EFCAB8: variants seen among roughly 807,000 people sequenced by gnomAD.
EFCAB8 encodes EF-hand calcium-binding domain-containing protein 8.
In EFCAB8, 100 loss-of-function variants were observed where a neutral mutation model predicts 116.3. The observed-to-expected ratio is 0.86, with a 90% CI of 0.73 to 1.02. EFCAB8 has a LOEUF of 1.02. Among genes scored for constraint, EFCAB8 ranks in the 50% least tolerant of loss-of-function variants. EFCAB8 has a pLI of 0.00. For missense variants in EFCAB8, 1,320 were observed against 1,416.9 expected (o/e 0.93, Z 1.10); for synonymous variants, 558 against 567.9 (o/e 0.98, Z 0.25).
In EFCAB8 at chr20:32,936,324, G is replaced by A. The variant is rs183639279; in HGVS notation, c.2790+4988G>A. ...GCTGGGATTACACGTGTGAGCCACC[G>A]CGCCTGGCCTATTTTTGCTTTTATT... On this transcript the variant is annotated intron_variant, in intron 22 of 26. Transcript: ENST00000400522. Among the ~76,000 whole-genome samples, 430 of 152,206 alleles carry A rather than the reference G, an allele frequency of 2.8e-3. 3 individuals are homozygous for A. The highest frequency in any genetic ancestry group is 2.6e-3 in the Non-Finnish European group (179 of 68,022).
chr20:32,931,130 G>A, intron 21 of EFCAB8, 48 bp from the exon 22 acceptor site: 2 of 1,455,170 alleles, frequency 1.4e-6, no homozygotes, highest in South Asian at 1.4e-5. Flanking sequence ...AGTGAGTTGG[G>A]GTCTGGGTCA....
intron 7 of EFCAB8, among the ~76,000 whole-genome samples, chr20:32,890,725 G>A (rs1364655548): frequency 1.3e-5 from 2 of 152,248 alleles, no homozygotes; most frequent in Non-Finnish European, 2.9e-5. Flanking sequence ...GAATAAAAAG[G>A]ACCTGGGTTC....
intron 23 of EFCAB8, among the ~76,000 whole-genome samples, chr20:32,945,152 T>TTTA (rs934084319): frequency 1.2e-4 from 18 of 151,892 alleles, no homozygotes; most frequent in South Asian, 6.2e-4. Context: ...TTCTGTTATT[T>TTTA]TTATTATTAT....
chr20:32,865,937 G>A (rs1433594763), intron 2 of EFCAB8, among the ~76,000 whole-genome samples: 1 of 152,134 alleles, frequency 6.6e-6, no homozygotes. Context: ...GGGCGAGCAG[G>A]GGTGTGGGAG....
chr20:32,891,085 C>A (rs1188916744), intron 7 of EFCAB8, among the ~76,000 whole-genome samples: 3 of 152,158 alleles, frequency 2.0e-5, no homozygotes, highest in African/African-American at 7.2e-5. Flanking sequence ...CCTCAGACAG[C>A]CCTGAGAATT....
intron 7 of EFCAB8, among the ~76,000 whole-genome samples, chr20:32,891,518 T>G (rs1985913089): frequency 1.3e-5 from 2 of 152,164 alleles, no homozygotes; most frequent in South Asian, 4.1e-4. Context: ...GCAGCCAGCC[T>G]AGAACCCCAT....
intron 20 of EFCAB8, 135 bp from the exon 21 acceptor site, chr20:32,930,263 G>T: frequency 1.4e-6 from 1 of 694,334 alleles, no homozygotes; most frequent in South Asian, 1.9e-5. Flanking sequence ...GGAAGGGTGG[G>T]ACCACCATCA....
At chr20:32,913,946 T>C (rs1237191311) in intron 17 of EFCAB8, among the ~76,000 whole-genome samples, 1 of 152,244 alleles carries the variant, frequency 6.6e-6, no homozygotes, top group Non-Finnish European at 1.5e-5. Context: ...ACTGGAACCC[T>C]AAGACTCTGG....
intron 6 of EFCAB8, 112 bp from the exon 7 acceptor site, chr20:32,889,189 C>T: frequency 1.2e-6 from 1 of 851,862 alleles, no homozygotes; most frequent in Admixed American, 2.2e-5. Flanking sequence ...TGCTAGGCTC[C>T]ATGCCAGGTC....
chr20:32,889,272 C>T (rs1985791193), intron 6 of EFCAB8, 29 bp from the exon 7 acceptor site: 1 of 1,540,402 alleles, frequency 6.5e-7, no homozygotes, highest in Non-Finnish European at 8.8e-7. Flanking sequence ...TGCGTCCCAG[C>T]CCATCTCCTC....
chr20:32,918,527 AT>A lies in EFCAB8; in HGVS notation c.2228del (p.Met743SerfsTer63). The A allele has an allele frequency of 6.4e-7, 1 of 1,551,682 alleles. No individual in the cohort carries two copies. Among genetic ancestry groups the A allele is most frequent in the Non-Finnish European group, 8.7e-7 (1 of 1,147,008 alleles). ...GAGCCTGGTGTCGGCTCCCCCAGTG[AT>A]GCGGTGCCCGAGAGACAAGGAGCCA... ...RRSLVSAPPVMRCPRDKEPDR... is the reference protein window; with the variant it reads ...RRSLVSAPPVXRCPRDKEPDR... On this transcript the variant is annotated frameshift_variant, in exon 19 of 27. Coordinates refer to ENST00000400522, the MANE Select transcript of EFCAB8 (RefSeq NM_001143967.2). LOFTEE classifies it high-confidence loss of function.
At chr20:32,935,392 G>T (rs1988080116) in intron 22 of EFCAB8, among the ~76,000 whole-genome samples, 1 of 151,716 alleles carries the variant, frequency 6.6e-6, no homozygotes, top group Non-Finnish European at 1.5e-5. Context: ...TAGAGACGAG[G>T]TGTCACCTTG....
chr20:32,861,549 A>G (rs951530224), intron 1 of EFCAB8, among the ~76,000 whole-genome samples: 1 of 152,124 alleles, frequency 6.6e-6, no homozygotes. Flanking sequence ...TCGGCCTCCC[A>G]AAGTGCTAGA....
chr20:32,888,106 C>T (rs1272385401), intron 6 of EFCAB8, among the ~76,000 whole-genome samples: 1 of 151,996 alleles, frequency 6.6e-6, no homozygotes, highest in Non-Finnish European at 1.5e-5. Flanking sequence ...CTCTGTCACC[C>T]AGGCTGGAGT....
At chr20:32,881,862 C>T (rs139114548) in intron 5 of EFCAB8, among the ~76,000 whole-genome samples, 139 of 152,282 alleles carry the variant, frequency 9.1e-4, no homozygotes, top group African/African-American at 3.2e-3. Flanking sequence ...CCCCATCAGG[C>T]CCTTAGGGAA....
intron 20 of EFCAB8, among the ~76,000 whole-genome samples, chr20:32,921,361 TTG>T (rs71858676): frequency 0.018 from 2,308 of 129,046 alleles, 16 homozygotes; most frequent in Non-Finnish European, 0.023. Context: ...CCCAGCTATT[TTG>T]TGTGTGTGTG....
rs529992899 is a variant in EFCAB8 at position 32,921,836 on chromosome 20, T to C, written c.2412+1621T>C. On this transcript the variant is annotated intron_variant, in intron 20 of 26. Transcript: ENST00000400522. ...TATTCTTTTGTTACCTTATTCTTTT[T>C]TTTTTTTTTTTTGAGACGGAGTCTT... Among the ~76,000 whole-genome samples, 16 of 150,176 alleles carry C rather than the reference T, an allele frequency of 1.1e-4. No homozygotes were observed. In the South Asian group the frequency reaches 2.3e-3, roughly 22 times the overall value.
At chr20:32,957,627 C>T (rs949020084) in intron 23 of EFCAB8, among the ~76,000 whole-genome samples, 7 of 152,132 alleles carry the variant, frequency 4.6e-5, no homozygotes, top group Admixed American at 1.3e-4. Flanking sequence ...CCCTGGTGCT[C>T]GGCAAATGTC....
chr20:32,888,835 T>C (rs1289255091), intron 6 of EFCAB8, among the ~76,000 whole-genome samples: 2 of 152,182 alleles, frequency 1.3e-5, no homozygotes, highest in East Asian at 3.8e-4. Flanking sequence ...GCTTCTGGCC[T>C]GTTGCTCTAA....
Sources: gnomAD v4.1 joint callset for allele counts (sites outside exome capture counted in the v4.1 genomes callset) on GRCh38, gnomAD v4.1.1 for gene constraint, MANE v1.5 for transcripts, NCBI Gene and HGNC (gene_info 2026-07-23, HGNC 2026-07-21) for gene names.